SEPTIN11: variants seen among roughly 807,000 people sequenced by gnomAD.
SEPTIN11 encodes the protein septin 11, also known as septin-11.
A neutral mutation model predicts 51.4 loss-of-function variants in SEPTIN11; 25 were observed. That is an observed-to-expected ratio of 0.49 (90% CI 0.35 to 0.68). SEPTIN11 has a LOEUF of 0.68. SEPTIN11 is among the 30% of genes least tolerant of loss of function. The probability of loss-of-function intolerance (pLI) is 0.00; values close to 1 mark genes in which losing one functional copy is unlikely to be tolerated. For missense variants in SEPTIN11, 381 were observed against 520.8 expected (o/e 0.73, Z 2.61); for synonymous variants, 174 against 184.1 (o/e 0.95, Z 0.44).
In SEPTIN11 at chr4:77,038,511, A is replaced by G; in HGVS notation, c.*3999A>G. On this transcript the variant is annotated 3_prime_UTR_variant, in exon 10 of 10. Coordinates refer to ENST00000264893, the MANE Select transcript of SEPTIN11 (RefSeq NM_018243.4). ...TGATCACTTAGCAACATGCTTGGTA[A>G]TTTGGCATCTGTTAAGGTAGGAGAG... is the stretch of plus-strand genomic sequence containing the variant. 1 of 985,978 alleles carries G rather than the reference A, an allele frequency of 1.0e-6. No individual in the cohort carries two copies. The highest frequency in any genetic ancestry group is 1.2e-6 in the Non-Finnish European group (1 of 830,012). The allele number at this position is 985,978 out of a possible 1,614,324, so 61.1% of individuals were successfully genotyped here.
chr4:76,955,951 C>T (rs1269197301), intron 1 of SEPTIN11, among the ~76,000 whole-genome samples: 4 of 152,112 alleles, frequency 2.6e-5, no homozygotes, highest in Non-Finnish European at 5.9e-5. Flanking sequence ...AGGACTCTTT[C>T]CACCTTGGAC....
chr4:76,966,372 C>T (rs1459790855), intron 1 of SEPTIN11, among the ~76,000 whole-genome samples: 1 of 151,808 alleles, frequency 6.6e-6, no homozygotes, highest in African/African-American at 2.4e-5. Context: ...AGGATAGAGA[C>T]AGGAAACTGT....
intron 5 of SEPTIN11, among the ~76,000 whole-genome samples, chr4:77,018,435 C>T (rs1348822327): frequency 1.4e-5 from 2 of 144,168 alleles, no homozygotes; most frequent in African/African-American, 2.6e-5. Context: ...GGCAACAGAG[C>T]GAGACTCCAT....
chr4:76,956,703 G>T (rs1275961687), intron 1 of SEPTIN11, among the ~76,000 whole-genome samples: 1 of 152,154 alleles, frequency 6.6e-6, no homozygotes, highest in African/African-American at 2.4e-5. Context: ...ATTGGCCAAA[G>T]TAAATGGTCA....
At chr4:77,006,335 T>A (rs1191080466) in intron 3 of SEPTIN11, among the ~76,000 whole-genome samples, 1 of 152,168 alleles carries the variant, frequency 6.6e-6, no homozygotes, top group African/African-American at 2.4e-5. Flanking sequence ...CATGTAAGTT[T>A]GGGTCTTTAC....
intron 3 of SEPTIN11, among the ~76,000 whole-genome samples, chr4:77,010,326 T>C (rs1724773257): frequency 6.6e-6 from 1 of 152,164 alleles, no homozygotes; most frequent in South Asian, 2.1e-4. Context: ...TTAAATATTA[T>C]TATTATTATG....
At chr4:77,012,031 G>T in intron 4 of SEPTIN11, 110 bp downstream of exon 4, 1 of 917,164 alleles carries the variant, frequency 1.1e-6, no homozygotes. Context: ...CTGGATTACA[G>T]GAACAGTGTT....
intron 3 of SEPTIN11, 30 bp downstream of exon 3, chr4:77,005,826 A>C (rs1724443789): frequency 6.3e-7 from 1 of 1,595,610 alleles, no homozygotes; most frequent in African/African-American, 1.3e-5. Flanking sequence ...GGGGACATGA[A>C]TGGATGAGGA....
intron 2 of SEPTIN11, 68 bp from the exon 3 acceptor site, chr4:77,005,533 C>G: frequency 4.4e-6 from 6 of 1,351,652 alleles, no homozygotes; most frequent in African/African-American, 1.5e-5. Context: ...ATAAAAAATA[C>G]TGATGAATTG....
intron 1 of SEPTIN11, among the ~76,000 whole-genome samples, chr4:76,966,822 C>T (rs1357671510): frequency 2.0e-5 from 3 of 152,036 alleles, no homozygotes; most frequent in Non-Finnish European, 4.4e-5. Context: ...CGAGATTGTG[C>T]CACTGTACTC....
chr4:77,020,317 T>C (rs541074359), intron 6 of SEPTIN11, among the ~76,000 whole-genome samples, 185 bp from the exon 7 acceptor site: 35 of 152,320 alleles, frequency 2.3e-4, no homozygotes, highest in African/African-American at 8.4e-4. Context: ...AGTATTATGG[T>C]CAATGTTGTC....
intron 1 of SEPTIN11, among the ~76,000 whole-genome samples, chr4:76,980,260 T>C (rs1397984852): frequency 2.6e-5 from 4 of 152,232 alleles, no homozygotes; most frequent in Non-Finnish European, 5.9e-5. Context: ...GGTACATTTA[T>C]TGGTGCTCTG....
chr4:76,959,692 T>G (rs2109884605), intron 1 of SEPTIN11, among the ~76,000 whole-genome samples: 1 of 152,018 alleles, frequency 6.6e-6, no homozygotes, highest in East Asian at 1.9e-4. Flanking sequence ...TTAAAACTCT[T>G]TTGAAAAAAA....
intron 2 of SEPTIN11, among the ~76,000 whole-genome samples, chr4:77,000,537 A>T (rs1307505028): frequency 6.6e-6 from 1 of 152,222 alleles, no homozygotes; most frequent in Non-Finnish European, 1.5e-5. Flanking sequence ...AAAATTTATT[A>T]ATTCACTCAT....
Position 77,037,338 on chromosome 4 carries a change from G to T in SEPTIN11, c.*2826G>T. 1 of 966,878 alleles carries T rather than the reference G, an allele frequency of 1.0e-6. No individual in the cohort carries two copies. Among genetic ancestry groups the T allele is most frequent in the Non-Finnish European group, 1.2e-6 (1 of 813,262 alleles). 59.9% of individuals were successfully genotyped at this position (966,878 alleles called of 1,614,324 possible). A position where few individuals can be genotyped will look rare whatever the true frequency, so the allele number is the denominator to read the frequency against. On this transcript the variant is annotated 3_prime_UTR_variant, in exon 10 of 10. Coordinates refer to ENST00000264893, the MANE Select transcript of SEPTIN11 (RefSeq NM_018243.4). Reference sequence around the variant, plus strand: ...GATTGCACCACTGCATTCCAACCTGGGTGATGAAGTGAGACTCTCCAAAAA... The same window carrying T: ...GATTGCACCACTGCATTCCAACCTGTGTGATGAAGTGAGACTCTCCAAAAA...
At chr4:76,978,352 C>G (rs1025140611) in intron 1 of SEPTIN11, among the ~76,000 whole-genome samples, 1 of 152,186 alleles carries the variant, frequency 6.6e-6, no homozygotes, top group Non-Finnish European at 1.5e-5. Flanking sequence ...CAACCTACCT[C>G]TCCAGCGATT....
chr4:76,961,618 C>T (rs939384955), intron 1 of SEPTIN11, among the ~76,000 whole-genome samples: 1 of 152,154 alleles, frequency 6.6e-6, no homozygotes, highest in Non-Finnish European at 1.5e-5. Context: ...CATTAGCCTG[C>T]GGTTGTGCAA....
chr4:77,016,647 TATATATATACAC>T (rs1270203629), intron 5 of SEPTIN11, among the ~76,000 whole-genome samples: 1 of 129,004 alleles, frequency 7.8e-6, no homozygotes, highest in Non-Finnish European at 1.7e-5. Flanking sequence ...TATATATATA[TATATATATACAC>T]ATATATATAT....
At chr4:77,032,473 G>T (rs1229117871) in intron 9 of SEPTIN11, among the ~76,000 whole-genome samples, 1 of 152,210 alleles carries the variant, frequency 6.6e-6, no homozygotes, top group Non-Finnish European at 1.5e-5. Flanking sequence ...AGATTACAGT[G>T]ACTCTTCCAG....
Sources: gnomAD v4.1 joint callset for allele counts (sites outside exome capture counted in the v4.1 genomes callset) on GRCh38, gnomAD v4.1.1 for gene constraint, MANE v1.5 for transcripts, NCBI Gene and HGNC (gene_info 2026-07-23, HGNC 2026-07-21) for gene names.